The following PUDP variants were observed in gnomAD, a reference collection of about 807,000 sequenced individuals.
PUDP encodes pseudouridine 5'-phosphatase, also known as pseudouridine-5'-phosphatase.
In PUDP, 8 loss-of-function variants were observed where a neutral mutation model predicts 9.4. The observed-to-expected ratio is 0.85, with a 90% CI of 0.50 to 1.53. The LOEUF (loss-of-function observed/expected upper bound fraction) is 1.53. Among genes scored for constraint, PUDP ranks in the 40% most tolerant of loss-of-function variants. PUDP has a pLI of 0.00. For missense variants in PUDP, 188 were observed against 189.7 expected (o/e 0.99, Z 0.05); for synonymous variants, 99 against 80.7 (o/e 1.23, Z -1.22).
intron 2 of PUDP, among the ~76,000 whole-genome samples, chrX:7,097,681 C>A (rs1830125571): frequency 9.0e-6 from 1 of 111,219 alleles, no homozygotes; most frequent in African/African-American, 3.3e-5. Context: ...ACTCACTCAG[C>A]ACTACATGCA....
chrX:6,742,323 G>C lies in PUDP; in HGVS notation c.*248-35857C>G, dbSNP rs779454608. On this transcript the variant is annotated intron_variant and NMD_transcript_variant, in intron 3 of 3. Coordinates refer to the PUDP transcript ENST00000655425. The stretch of plus-strand genomic sequence containing the variant: ...ACAGGCCAAATCTGGCCCACTGCCT[G>C]TTTTTATGAATACAGTTTTATTGGA... Among the ~76,000 whole-genome samples, 131 of 112,675 alleles carry C rather than the reference G, an allele frequency of 1.2e-3. 5 individuals carry two copies. The highest frequency in any genetic ancestry group is 4.2e-3 in the African/African-American group (130 of 30,906).
At chrX:7,059,493 T>C (rs1198702735) in intron 3 of PUDP, among the ~76,000 whole-genome samples, 1 of 111,877 alleles carries the variant, frequency 8.9e-6, no homozygotes, top group Non-Finnish European at 1.9e-5. Flanking sequence ...TCATCTTACG[T>C]AGCCTTCTGC....
Position 6,926,988 on chromosome X carries a change from C to T in PUDP, c.*247+50145G>A, listed in dbSNP as rs1388086066. Reference sequence around the variant, plus strand: ...TGTCCCCCAGGCTGGAGTGCAGTGGCACAATCACGGGTCACTACAGCCTCA... The same window carrying T: ...TGTCCCCCAGGCTGGAGTGCAGTGGTACAATCACGGGTCACTACAGCCTCA... On this transcript the variant is annotated intron_variant and NMD_transcript_variant, in intron 3 of 3. Coordinates refer to the PUDP transcript ENST00000655425. Among the ~76,000 whole-genome samples, 6 of 94,895 alleles carry T rather than the reference C, an allele frequency of 6.3e-5. No individual in the cohort carries two copies. In the Admixed American group the frequency reaches 8.2e-4, roughly 13 times the overall value. The allele number at this position is 94,895 out of a possible 115,157, so 82.4% of individuals were successfully genotyped here.
chrX:6,977,396 C>A (rs148469083), intron 2 of PUDP, among the ~76,000 whole-genome samples: 2,589 of 112,136 alleles, frequency 0.023, 28 homozygotes, highest in African/African-American at 0.049. Flanking sequence ...CAATAGTATA[C>A]ACCTTCAAGG....
intron 1 of PUDP, among the ~76,000 whole-genome samples, chrX:7,128,771 C>A (rs1932545980): frequency 8.9e-6 from 1 of 111,952 alleles, no homozygotes; most frequent in South Asian, 3.7e-4. Flanking sequence ...AAGTACTGCA[C>A]AACAAATTTA....
intron 2 of PUDP, among the ~76,000 whole-genome samples, chrX:7,079,621 T>A (rs1931020822): frequency 1.8e-5 from 2 of 112,859 alleles, no homozygotes; most frequent in Admixed American, 1.9e-4. Context: ...GAATACCTTA[T>A]CTAACGATGG....
intron 3 of PUDP, among the ~76,000 whole-genome samples, chrX:6,914,893 T>G (rs774363233): frequency 2.7e-5 from 3 of 112,461 alleles, no homozygotes; most frequent in Admixed American, 1.9e-4. Context: ...GAAGGAATCT[T>G]TTTTTTTCTT....
intron 1 of PUDP, among the ~76,000 whole-genome samples, chrX:7,013,785 G>T (rs1929511292): frequency 8.9e-6 from 1 of 111,835 alleles, no homozygotes; most frequent in African/African-American, 3.3e-5. Flanking sequence ...GAGGGGGGGT[G>T]CCTGCAGCCT....
downstream of PUDP, among the ~76,000 whole-genome samples, chrX:7,044,978 G>A (rs1245516154): frequency 8.9e-6 from 1 of 112,039 alleles, no homozygotes; most frequent in Admixed American, 9.4e-5. Context: ...TACCCTTCAG[G>A]GTGTTCTGTC....
intron 3 of PUDP, among the ~76,000 whole-genome samples, chrX:6,894,204 C>G (rs1193713943): frequency 9.0e-6 from 1 of 111,039 alleles, no homozygotes; most frequent in Non-Finnish European, 1.9e-5. Context: ...ATGGCACATG[C>G]TTACCTATGT....
intron 1 of PUDP, among the ~76,000 whole-genome samples, chrX:7,112,327 A>T (rs1468968276): frequency 8.9e-6 from 1 of 112,235 alleles, no homozygotes; most frequent in Non-Finnish European, 1.9e-5. Context: ...AATACCTTTT[A>T]AAAATAACCT....
chrX:7,019,684 C>A (rs1246700340), intron 1 of PUDP, among the ~76,000 whole-genome samples: 4 of 111,879 alleles, frequency 3.6e-5, no homozygotes, highest in Non-Finnish European at 7.5e-5. Context: ...CAATGCAAGC[C>A]TCCATTCTTC....
chrX:6,808,903 G>T (rs1435505591), intron 3 of PUDP, among the ~76,000 whole-genome samples: 2 of 112,222 alleles, frequency 1.8e-5, no homozygotes, highest in African/African-American at 3.2e-5. Flanking sequence ...GCCTTGCAGG[G>T]ATATACCTGG....
intron 3 of PUDP, among the ~76,000 whole-genome samples, chrX:7,067,032 G>T (rs1484510815): frequency 1.8e-5 from 2 of 112,123 alleles, no homozygotes; most frequent in Non-Finnish European, 3.8e-5. Context: ...ACAAAGCACA[G>T]GGCACAGTGC....
At chrX:6,847,207 G>A (rs1480922256) in intron 3 of PUDP, among the ~76,000 whole-genome samples, 2 of 110,973 alleles carry the variant, frequency 1.8e-5, no homozygotes, top group African/African-American at 3.3e-5. Flanking sequence ...TCCCTTTCTC[G>A]AAGGCAGGTT....
chrX:6,950,075 C>T (rs753556713), intron 3 of PUDP, among the ~76,000 whole-genome samples: 15 of 111,025 alleles, frequency 1.4e-4, no homozygotes, highest in Non-Finnish European at 2.3e-4. Flanking sequence ...TGGCAGCTCA[C>T]ACCTGTAATC....
intron 3 of PUDP, among the ~76,000 whole-genome samples, chrX:6,824,592 AC>A (rs1926396926): frequency 9.0e-6 from 1 of 111,348 alleles, no homozygotes; most frequent in Non-Finnish European, 1.9e-5. Flanking sequence ...GACCAACGTA[AC>A]CTGTTTTTGG....
At chrX:6,947,120 C>T (rs1453867110) in intron 3 of PUDP, among the ~76,000 whole-genome samples, 12 of 109,389 alleles carry the variant, frequency 1.1e-4, no homozygotes, top group Admixed American at 2.0e-4. Flanking sequence ...CCTGCCTCAG[C>T]ATCCCGAGTA....
At chrX:6,844,797 C>T (rs1024211031) in intron 3 of PUDP, among the ~76,000 whole-genome samples, 3 of 112,069 alleles carry the variant, frequency 2.7e-5, no homozygotes, top group Non-Finnish European at 3.8e-5. Context: ...AGCACAAGTT[C>T]GAAAGGCTAA....
Sources: gnomAD v4.1 joint callset for allele counts (sites outside exome capture counted in the v4.1 genomes callset) on GRCh38, gnomAD v4.1.1 for gene constraint, MANE v1.5 for transcripts, NCBI Gene and HGNC (gene_info 2026-07-23, HGNC 2026-07-21) for gene names.